RNF38: variants seen among roughly 807,000 people sequenced by gnomAD.
RNF38 encodes the protein ring finger protein 38.
A neutral mutation model predicts 67.2 loss-of-function variants in RNF38; 15 were observed. That is an observed-to-expected ratio of 0.22 (90% CI 0.15 to 0.34). RNF38 has a LOEUF of 0.34. Among genes scored for constraint, RNF38 ranks in the 10% least tolerant of loss-of-function variants. The pLI, the probability that RNF38 is intolerant of heterozygous loss-of-function variation, is 1.00. For synonymous variants in RNF38, 220 were observed against 218.8 expected (o/e 1.01, Z -0.05); for missense variants, 524 against 639.9 (o/e 0.82, Z 1.95).
chr9:36,399,076 T>C (rs2134126660), intron 1 of RNF38, among the ~76,000 whole-genome samples: 1 of 152,364 alleles, frequency 6.6e-6, no homozygotes, highest in East Asian at 1.9e-4. Flanking sequence ...CAGTCAGTTA[T>C]GTCTGACTAT....
chr9:36,447,946 C>A (rs867146092), intron 1 of RNF38, among the ~76,000 whole-genome samples: 1 of 152,202 alleles, frequency 6.6e-6, no homozygotes, highest in Non-Finnish European at 1.5e-5. Flanking sequence ...GCTTCTACCC[C>A]CTAAGTTCTT....
chr9:36,466,841 G>A (rs183520433), intron 1 of RNF38, among the ~76,000 whole-genome samples: 1 of 151,400 alleles, frequency 6.6e-6, no homozygotes, highest in Non-Finnish European at 1.5e-5. Flanking sequence ...GTATATTTTT[G>A]TAATCAGAAG....
In RNF38 at chr9:36,383,069, G is replaced by A. The variant is rs141550516; in HGVS notation, c.163-6942C>T. Reference sequence around the variant, plus strand: ...GTTTTGCAGAAGATGGATATAAGCTGGGGAAAGCAGAAAATTAAGAATTTT... The same window carrying A: ...GTTTTGCAGAAGATGGATATAAGCTAGGGAAAGCAGAAAATTAAGAATTTT... On this transcript the variant is annotated intron_variant, in intron 2 of 11. Coordinates refer to ENST00000259605, the MANE Select transcript of RNF38 (RefSeq NM_022781.5). 4.4e-3 allele frequency among the ~76,000 whole-genome samples: 669 copies of A among 152,228 alleles called. 1 individual carries two copies. Among genetic ancestry groups the A allele is most frequent in the African/African-American group, 0.014 (579 of 41,554 alleles).
chr9:36,433,663 G>A (rs1186824561), intron 1 of RNF38, among the ~76,000 whole-genome samples: 2 of 148,142 alleles, frequency 1.4e-5, no homozygotes, highest in East Asian at 2.0e-4. Context: ...CTCCAGCTTG[G>A]GAAACAGAGT....
intron 1 of RNF38, among the ~76,000 whole-genome samples, chr9:36,478,265 G>A (rs568622173): frequency 9.9e-5 from 15 of 151,508 alleles, no homozygotes; most frequent in African/African-American, 1.2e-4. Context: ...TTACCCGGGC[G>A]TGGTAGCGGG....
chr9:36,484,403 C>T (rs1840351264), intron 1 of RNF38, among the ~76,000 whole-genome samples: 1 of 152,104 alleles, frequency 6.6e-6, no homozygotes, highest in South Asian at 2.1e-4. Context: ...AGGAGAGGTC[C>T]ATTATTATGA....
intron 2 of RNF38, among the ~76,000 whole-genome samples, chr9:36,384,050 A>G (rs1836410389): frequency 6.6e-6 from 1 of 152,186 alleles, no homozygotes; most frequent in Non-Finnish European, 1.5e-5. Flanking sequence ...TAGTGATGTT[A>G]TATACTATAT....
intron 10 of RNF38, 38 bp from the exon 11 acceptor site, chr9:36,342,462 G>C: frequency 1.5e-6 from 2 of 1,295,948 alleles, no homozygotes; most frequent in Non-Finnish European, 1.1e-6. Flanking sequence ...CACAAAACCA[G>C]ATGGTTTTCT....
In RNF38 at chr9:36,439,812, CTT is replaced by C. The variant is rs1299525683; in HGVS notation, n.242-15131_242-15130del. The stretch of plus-strand genomic sequence containing the variant: ...TCTCAAAAAAAAAAAAAAAAAAAAA[CTT>C]ATCAATAGAAAATGCTAACAGTACC... On this transcript the variant is annotated intron_variant and non_coding_transcript_variant, in intron 1 of 3. Transcript: ENST00000488058. Among the ~76,000 whole-genome samples, 133 of 136,358 alleles carry C rather than the reference CTT, an allele frequency of 9.8e-4. 1 individual carries two copies. The highest frequency in any genetic ancestry group is 4.7e-3 in the Admixed American group (64 of 13,720). 89.5% of individuals were successfully genotyped at this position (136,358 alleles called of 152,430 possible).
At chr9:36,477,221 G>C (rs1840141249) in intron 1 of RNF38, among the ~76,000 whole-genome samples, 1 of 151,708 alleles carries the variant, frequency 6.6e-6, no homozygotes, top group Admixed American at 6.6e-5. Flanking sequence ...CCACTCGGGA[G>C]GCTGAGGCAG....
intron 1 of RNF38, among the ~76,000 whole-genome samples, chr9:36,393,624 T>C (rs1837302003): frequency 6.6e-6 from 1 of 151,954 alleles, no homozygotes; most frequent in African/African-American, 2.4e-5. Flanking sequence ...GTGAATGTGA[T>C]GTATTTCATT....
intron 10 of RNF38, among the ~76,000 whole-genome samples, chr9:36,343,852 G>A (rs1833025656): frequency 6.6e-6 from 1 of 152,162 alleles, no homozygotes; most frequent in Non-Finnish European, 1.5e-5. Context: ...ACACAGTGTA[G>A]ACTGGGGATG....
chr9:36,426,489 G>A (rs117394725), intron 1 of RNF38, among the ~76,000 whole-genome samples: 595 of 152,254 alleles, frequency 3.9e-3, no homozygotes, highest in Non-Finnish European at 6.4e-3. Context: ...ACTGAACCGC[G>A]TACCAATCCA....
At chr9:36,477,068 A>G (rs934604065) in intron 1 of RNF38, among the ~76,000 whole-genome samples, 1 of 152,082 alleles carries the variant, frequency 6.6e-6, no homozygotes, top group Non-Finnish European at 1.5e-5. Flanking sequence ...TCACGCCTGT[A>G]ATCCCAGCAC....
chr9:36,432,801 A>C (rs1209427179), intron 1 of RNF38, among the ~76,000 whole-genome samples: 4 of 152,172 alleles, frequency 2.6e-5, no homozygotes, highest in Admixed American at 1.3e-4. Context: ...AAACAAAACA[A>C]AAAAACAAAG....
chr9:36,390,739 G>T (rs897825258), intron 1 of RNF38, 123 bp from the exon 2 acceptor site: 9 of 1,020,000 alleles, frequency 8.8e-6, no homozygotes, highest in Non-Finnish European at 1.3e-5. Flanking sequence ...AGACAGGAAA[G>T]AAATTAAAAA....
At chr9:36,420,062 G>A (rs1838578640) in intron 2 of RNF38, among the ~76,000 whole-genome samples, 2 of 152,142 alleles carry the variant, frequency 1.3e-5, no homozygotes, top group African/African-American at 4.8e-5. Context: ...AGTTAAAATA[G>A]GAATAGGTTT....
intron 1 of RNF38, among the ~76,000 whole-genome samples, chr9:36,457,935 T>C (rs76475668): frequency 0.061 from 9,329 of 152,192 alleles, 317 homozygotes; most frequent in South Asian, 0.15. Context: ...TTTGTGCATG[T>C]GTTAGGTTGA....
chr9:36,464,466 G>T (rs957221279), intron 1 of RNF38, among the ~76,000 whole-genome samples: 1 of 151,768 alleles, frequency 6.6e-6, no homozygotes, highest in African/African-American at 2.4e-5. Flanking sequence ...AGCTACTCAG[G>T]AGGCTGAGGC....
Sources: allele counts gnomAD v4.1 joint callset (sites outside exome capture counted in the v4.1 genomes callset), GRCh38; gene constraint gnomAD v4.1.1; transcripts MANE v1.5; gene names NCBI Gene and HGNC (gene_info 2026-07-23, HGNC 2026-07-21).